ARHGEF10L: variants seen among roughly 807,000 people sequenced by gnomAD.
ARHGEF10L encodes rho guanine nucleotide exchange factor 10-like protein.
Under a neutral mutation model 141.2 loss-of-function variants are expected in ARHGEF10L, and 69 were observed. That is an observed-to-expected ratio of 0.49 (90% CI 0.40 to 0.60). The LOEUF (loss-of-function observed/expected upper bound fraction) is 0.60, where lower values mean the gene tolerates loss of function less well. Among genes scored for constraint, ARHGEF10L ranks in the 20% least tolerant of loss-of-function variants. The probability of loss-of-function intolerance (pLI) is 0.00; values close to 1 mark genes in which losing one functional copy is unlikely to be tolerated. For missense variants in ARHGEF10L, 1,482 were observed against 1,734.3 expected, an observed-to-expected ratio of 0.85 and a Z score of 2.58; for synonymous variants, 711 against 718.5, an observed-to-expected ratio of 0.99 and a Z score of 0.17.
intron 6 of ARHGEF10L, among the ~76,000 whole-genome samples, chr1:17,605,597 C>T (rs964922482): frequency 6.6e-6 from 1 of 152,120 alleles, no homozygotes; most frequent in Admixed American, 6.5e-5. Context: ...AACCCTGGCC[C>T]CGTTCACTGT....
At chr1:17,610,043 G>A (rs569012333) in intron 7 of ARHGEF10L, among the ~76,000 whole-genome samples, 6 of 152,252 alleles carry the variant, frequency 3.9e-5, no homozygotes, top group Non-Finnish European at 5.9e-5. Flanking sequence ...TGTTGTCCCC[G>A]GCCCTCTTGC....
rs116487711 is a variant in ARHGEF10L, at chr1:17,592,200, G to T, written c.257+3721G>T. ...CTGTGTTTTTCCTGGACTCAGGCCT[G>T]CACCCCTCACCTCTGAGTGCAATAG... On this transcript the variant is annotated intron_variant, in intron 4 of 28. Coordinates refer to ENST00000361221, the MANE Select transcript of ARHGEF10L (RefSeq NM_018125.4). 6.2e-4 allele frequency among the ~76,000 whole-genome samples: 94 copies of T among 152,300 alleles called. 1 individual carries two copies. Among genetic ancestry groups the T allele is most frequent in the African/African-American group, 2.0e-3 (84 of 41,560 alleles).
chr1:17,622,088 C>T (rs914733516), intron 11 of ARHGEF10L, 147 bp downstream of exon 11: 1 of 756,212 alleles, frequency 1.3e-6, no homozygotes, highest in East Asian at 2.7e-5. Flanking sequence ...ACAGTAGAAC[C>T]TCCAAATGTA....
chr1:17,516,352 G>T, the ARHGEF10L span, among the ~76,000 whole-genome samples: 3 of 152,244 alleles, frequency 2.0e-5, no homozygotes, highest in African/African-American at 7.2e-5. Flanking sequence ...AGGGCCCGCT[G>T]GGGGTGTGGG....
chr1:17,619,641 C>T lies in ARHGEF10L; in HGVS notation c.942+196C>T, dbSNP rs939784066. On this transcript the variant is annotated intron_variant, in intron 10 of 28. Coordinates refer to ENST00000361221, the MANE Select transcript of ARHGEF10L (RefSeq NM_018125.4). The surrounding 1 kb of genome is among the most constrained non-coding windows in gnomAD (Gnocchi z 5.0). Reference sequence around the variant, plus strand: ...TGAACAGGCTTTCCACTTTCTACCCCGTGTGCTCTGTGCTGTTGGTTTTGG... The same window carrying T: ...TGAACAGGCTTTCCACTTTCTACCCTGTGTGCTCTGTGCTGTTGGTTTTGG... Among the ~76,000 whole-genome samples, 6 of 152,170 alleles carry T rather than the reference C, an allele frequency of 3.9e-5. No homozygotes were observed. In the South Asian group the frequency reaches 6.2e-4, roughly 16 times the overall value.
At chr1:17,533,346 T>A in the ARHGEF10L span, among the ~76,000 whole-genome samples, 2,180 of 152,342 alleles carry the variant, frequency 0.014, 34 homozygotes, top group African/African-American at 0.049. Flanking sequence ...CTTATCATTA[T>A]TTTTGTACAG....
At chr1:17,520,049 C>T in the ARHGEF10L span, among the ~76,000 whole-genome samples, 2 of 152,196 alleles carry the variant, frequency 1.3e-5, no homozygotes, top group Non-Finnish European at 2.9e-5. Flanking sequence ...CCCAGGCCAG[C>T]GGGCAGTGGT....
chr1:17,521,447 C>T, the ARHGEF10L span, among the ~76,000 whole-genome samples: 1 of 152,218 alleles, frequency 6.6e-6, no homozygotes, highest in African/African-American at 2.4e-5. Flanking sequence ...CTGCCCGCCT[C>T]GGCCTCCCAA....
chr1:17,697,081 G>A lies in ARHGEF10L; in HGVS notation c.3541G>A (p.Ala1181Thr), dbSNP rs371858468. Residue 1181 changes from alanine (A) to threonine (T), a missense_variant, in exon 29 of 29, where the codon GCA becomes ACA. Transcript: ENST00000361221. The surrounding 1 kb of genome is among the most constrained non-coding windows in gnomAD (Gnocchi z 4.8). ...ILLQYRLRST[A>T]HLPGPLLSMR... is the part of the protein sequence containing the mutation. ...CTTGCAGTACCGCCTGCGCTCCACC[G>A]CACACCTCCCGGGCCCGCTGCTCTC... 2.0e-5 allele frequency: 32 copies of A among 1,606,260 alleles called. No individual in the cohort carries two copies. The highest frequency in any genetic ancestry group is 2.6e-5 in the Non-Finnish European group (30 of 1,175,828).
At chr1:17,688,508 A>C (rs974970481) in intron 27 of ARHGEF10L, among the ~76,000 whole-genome samples, 2 of 152,180 alleles carry the variant, frequency 1.3e-5, no homozygotes, top group Non-Finnish European at 2.9e-5. Flanking sequence ...AGCTTCCCCC[A>C]GAGAGACTGA....
At position 17,561,507 on chromosome 1, in the gene ARHGEF10L, C is replaced by T. The variant is rs181362634; in HGVS notation, c.-43-19046C>T. Among the ~76,000 whole-genome samples, 787 of 152,328 alleles carry T rather than the reference C, an allele frequency of 5.2e-3. 7 individuals carry two copies. The highest frequency in any genetic ancestry group is 0.018 in the African/African-American group (757 of 41,584). On this transcript the variant is annotated intron_variant, in intron 1 of 28. Transcript: ENST00000361221. ...TTCTGAGTGCCTTCCTCTCCTGTCTCGCAGAGGGGGAGCCTCACAAACCCT... is the reference window on the plus strand; with the variant it reads ...TTCTGAGTGCCTTCCTCTCCTGTCTTGCAGAGGGGGAGCCTCACAAACCCT...
At chr1:17,523,056 T>C in the ARHGEF10L span, among the ~76,000 whole-genome samples, 1 of 151,250 alleles carries the variant, frequency 6.6e-6, no homozygotes, top group African/African-American at 2.4e-5. Flanking sequence ...TGATTGCCAT[T>C]GTTCCATTTT....
At chr1:17,659,367 C>T (rs1383845050) in intron 25 of ARHGEF10L, among the ~76,000 whole-genome samples, 1 of 152,288 alleles carries the variant, frequency 6.6e-6, no homozygotes, top group Non-Finnish European at 1.5e-5. Context: ...TCAGGACCTG[C>T]TACATGGTAT....
chr1:17,643,263 T>C (rs2061420727), intron 21 of ARHGEF10L, among the ~76,000 whole-genome samples: 1 of 152,198 alleles, frequency 6.6e-6, no homozygotes. Flanking sequence ...TCTTCCTCCC[T>C]CCCTGACTAC....
In ARHGEF10L at chr1:17,592,672, G is replaced by A. The variant is rs79853394; in HGVS notation, c.257+4193G>A. On this transcript the variant is annotated intron_variant, in intron 4 of 28. Coordinates refer to ENST00000361221, the MANE Select transcript of ARHGEF10L (RefSeq NM_018125.4). ...ATGGGAAGGGCAGGTCAGCAAGGCCGGAGTGGGTCCGCAGCGTCTGGAGGA... is the reference window on the plus strand; with the variant it reads ...ATGGGAAGGGCAGGTCAGCAAGGCCAGAGTGGGTCCGCAGCGTCTGGAGGA... Among the ~76,000 whole-genome samples the A allele has an allele frequency of 5.4e-3, 821 of 152,264 alleles. 16 individuals carry two copies. The East Asian group carries it at 0.065, about 12-fold the overall frequency.
rs563660858 is a variant in ARHGEF10L, at chr1:17,622,851, G to A, written c.1021-145G>A. ...GTGTTATGGTGATGGAGATCCTTCC[G>A]GAAGGACGCATGAGGAGTGAGGGAT... On this transcript the variant is annotated intron_variant, in intron 11 of 28. Coordinates refer to ENST00000361221, the MANE Select transcript of ARHGEF10L (RefSeq NM_018125.4). 3,267 of 780,256 alleles carry A rather than the reference G, an allele frequency of 4.2e-3. 16 individuals carry two copies. Among genetic ancestry groups the A allele is most frequent in the South Asian group, 9.6e-3 (523 of 54,608 alleles). The allele number at this position is 780,256 out of a possible 1,614,324, so 48.3% of individuals were successfully genotyped here.
At position 17,655,351 on chromosome 1, in the gene ARHGEF10L, T is replaced by A. The variant is rs558522300; in HGVS notation, c.2482-528T>A. Among the ~76,000 whole-genome samples the A allele has an allele frequency of 2.6e-5, 4 of 151,970 alleles. No homozygotes were observed. In the South Asian group the frequency reaches 8.4e-4, roughly 32 times the overall value. On this transcript the variant is annotated intron_variant, in intron 23 of 28. Coordinates refer to ENST00000361221, the MANE Select transcript of ARHGEF10L (RefSeq NM_018125.4). The stretch of plus-strand genomic sequence containing the variant: ...CCAACAAGAATATATATTTAATCCA[T>A]CCATTTATTTATCTGTCCATCCATC...
At chr1:17,569,228 CA>C (rs148984252) in intron 1 of ARHGEF10L, among the ~76,000 whole-genome samples, 2,784 of 152,320 alleles carry the variant, frequency 0.018, 82 homozygotes, top group African/African-American at 0.063. Context: ...TGGCCTGGAG[CA>C]GTGCTCAGAG....
At position 17,592,497 on chromosome 1, in the gene ARHGEF10L, G is replaced by A. The variant is rs561385928; in HGVS notation, c.257+4018G>A. On this transcript the variant is annotated intron_variant, in intron 4 of 28. Transcript: ENST00000361221. ...CAGCCGTATTCTGGGAGAGGACAGG[G>A]AGACTCATCTTCCCTGGATGTATCA... 3.3e-5 allele frequency among the ~76,000 whole-genome samples: 5 copies of A among 152,266 alleles called. No individual in the cohort carries two copies. In the South Asian group the frequency reaches 1.0e-3, roughly 32 times the overall value.
Sources: allele counts gnomAD v4.1 joint callset (sites outside exome capture counted in the v4.1 genomes callset), GRCh38; gene constraint gnomAD v4.1.1; non-coding constraint Gnocchi (gnomAD v3.1); transcripts MANE v1.5; gene names NCBI Gene and HGNC (gene_info 2026-07-23, HGNC 2026-07-21).